HTRA3: variants seen among roughly 807,000 people sequenced by gnomAD.
The protein encoded by HTRA3 is HtrA serine peptidase 3, also known as serine protease HTRA3.
A neutral mutation model predicts 43.2 loss-of-function variants in HTRA3; 41 were observed. The observed-to-expected ratio is 0.95, with a 90% confidence interval of 0.74 to 1.23. HTRA3 has a LOEUF of 1.23. Ranked by LOEUF, HTRA3 falls within the 50% of genes most tolerant of loss-of-function variation. HTRA3 has a pLI of 0.00. For missense variants in HTRA3, 628 were observed against 647.1 expected (o/e 0.97, Z 0.32); for synonymous variants, 295 against 287.9 (o/e 1.02, Z -0.25).
At chr4:8,272,232 T>C (rs1452336523) in intron 1 of HTRA3, among the ~76,000 whole-genome samples, 1 of 152,174 alleles carries the variant, frequency 6.6e-6, no homozygotes, top group Admixed American at 6.5e-5. Context: ...GCACTTTCTC[T>C]GTGTGCCTGG....
intron 6 of HTRA3, among the ~76,000 whole-genome samples, chr4:8,301,559 ATTT>A (rs1268600429): frequency 6.6e-6 from 1 of 151,640 alleles, no homozygotes; most frequent in South Asian, 2.1e-4. Flanking sequence ...ACTTTTAATT[ATTT>A]TTTTTCTTCT....
Position 8,306,086 on chromosome 4 carries a change from C to T in HTRA3, c.1312C>T (p.Arg438Trp), listed in dbSNP as rs137866031. The change falls in exon 9 of 9, where the codon CGG becomes TGG. Residue 438 changes from arginine to tryptophan, a missense_variant. Physicochemically the swap from Arg to Trp is moderately radical, Grantham distance 101. Transcript: ENST00000307358. This position sits in a 1 kb window ranked among gnomAD's most constrained non-coding sequence, Gnocchi z 8.9. Reference protein sequence around the residue: ...TESPLLLEVRRGNDDLLFSIA... With the variant: ...TESPLLLEVRWGNDDLLFSIA... ...GTCTCCTCTCCTACTGGAGGTGCGG[C>T]GGGGGAACGACGACCTCCTCTTCAG... 53 of 1,608,908 alleles carry T rather than the reference C, an allele frequency of 3.3e-5. No individual in the cohort carries two copies. The highest frequency in any genetic ancestry group is 1.5e-4 in the South Asian group (14 of 90,846).
At chr4:8,303,397 C>T (rs1713729954) in intron 7 of HTRA3, among the ~76,000 whole-genome samples, 1 of 152,176 alleles carries the variant, frequency 6.6e-6, no homozygotes, top group African/African-American at 2.4e-5. Flanking sequence ...CCTGGAAATG[C>T]TGAATGAGTG....
In HTRA3 at chr4:8,302,455, A is replaced by C; in HGVS notation, c.1052-8A>C. The C allele has an allele frequency of 6.2e-7, 1 of 1,613,934 alleles. No homozygotes were observed. Among genetic ancestry groups the C allele is most frequent in the Non-Finnish European group, 8.5e-7 (1 of 1,179,956 alleles). ...CCCTAACGGAGTCTCGCCGTGTTTC[A>C]TTTCCAGACTGGAAGAAGCGCTTCA... On this transcript the variant is annotated splice_region_variant and splice_polypyrimidine_tract_variant and intron_variant, in intron 6 of 8. Coordinates refer to ENST00000307358, the MANE Select transcript of HTRA3 (RefSeq NM_053044.5).
chr4:8,282,240 C>T (rs1712776404), intron 1 of HTRA3, among the ~76,000 whole-genome samples, 197 bp from the exon 2 acceptor site: 1 of 152,196 alleles, frequency 6.6e-6, no homozygotes, highest in South Asian at 2.1e-4. Context: ...TGAGCGAGCC[C>T]CTTCCCAAAT....
chr4:8,295,661 C>A lies in HTRA3; in HGVS notation c.1051+1460C>A, dbSNP rs1272459664. The A allele has an allele frequency of 7.2e-7, 1 of 1,394,642 alleles. No homozygotes were observed. The highest frequency in any genetic ancestry group is 1.7e-5 in the South Asian group (1 of 60,288). The allele number at this position is 1,394,642 out of a possible 1,614,324, so 86.4% of individuals were successfully genotyped here. On this transcript the variant is annotated intron_variant, in intron 6 of 8. Coordinates refer to ENST00000307358, the MANE Select transcript of HTRA3 (RefSeq NM_053044.5). This position sits in a 1 kb window ranked among gnomAD's most constrained non-coding sequence, Gnocchi z 6.9. Reference sequence around the variant, plus strand: ...AACGCCCAGGCCTGACTCAGCAACTCACACTTCCACATTGCTTTGCTGTCT... The same window carrying A: ...AACGCCCAGGCCTGACTCAGCAACTAACACTTCCACATTGCTTTGCTGTCT...
intron 3 of HTRA3, among the ~76,000 whole-genome samples, chr4:8,288,413 A>C (rs1713081913): frequency 6.6e-6 from 1 of 152,048 alleles, no homozygotes; most frequent in African/African-American, 2.4e-5. Flanking sequence ...AGCTAGGATC[A>C]CAGGCATGTG....
Position 8,295,939 on chromosome 4 carries a change from G to A in HTRA3, c.1051+1738G>A. The A allele has an allele frequency of 8.2e-7, 1 of 1,223,396 alleles. No homozygotes were observed. The highest frequency in any genetic ancestry group is 1.0e-6 in the Non-Finnish European group (1 of 981,650). The allele number at this position is 1,223,396 out of a possible 1,614,324, so 75.8% of individuals were successfully genotyped here. A position where few individuals can be genotyped will look rare whatever the true frequency, so the allele number is the denominator to read the frequency against. ...CTGAAGTCTTCTTCTCTTGAACAGTGGGGACCATCTAATCTCTTGAGCCCT... is the reference window on the plus strand; with the variant it reads ...CTGAAGTCTTCTTCTCTTGAACAGTAGGGACCATCTAATCTCTTGAGCCCT... On this transcript the variant is annotated intron_variant, in intron 6 of 8. Coordinates refer to ENST00000307358, the MANE Select transcript of HTRA3 (RefSeq NM_053044.5). This position sits in a 1 kb window ranked among gnomAD's most constrained non-coding sequence, Gnocchi z 6.9.
rs753346166 is a variant in HTRA3, at chr4:8,282,452, G to A, written c.401G>A (p.Ser134Asn). 17 of 1,613,674 alleles carry A rather than the reference G, an allele frequency of 1.1e-5. 1 individual carries two copies. In the South Asian group the frequency reaches 1.9e-4, roughly 18 times the overall value. The stretch of plus-strand genomic sequence containing the variant: ...GCCAGCGCAGGTCTCCACCAGCTGA[G>A]CAGCCCGCGCTACAAGTTCAACTTC... Reference protein sequence around the residue: ...GACPLGLHQLSSPRYKFNFIA... With the variant: ...GACPLGLHQLNSPRYKFNFIA... Residue 134 changes from serine to asparagine, a missense_variant, in exon 2 of 9, where the codon AGC becomes AAC. Ser to Asn is a conservative substitution (Grantham distance 46, BLOSUM62 1). Transcript: ENST00000307358.
At chr4:8,293,685 C>T (rs1033530383) in intron 5 of HTRA3, among the ~76,000 whole-genome samples, 2 of 152,066 alleles carry the variant, frequency 1.3e-5, no homozygotes, top group East Asian at 1.9e-4. Flanking sequence ...CCTGCCAGCC[C>T]CCCACTTCTG....
chr4:8,295,894 G>A lies in HTRA3; in HGVS notation c.1051+1693G>A. 1 of 1,234,576 alleles carries A rather than the reference G, an allele frequency of 8.1e-7. No homozygotes were observed. The highest frequency in any genetic ancestry group is 1.0e-6 in the Non-Finnish European group (1 of 988,644). The allele number at this position is 1,234,576 out of a possible 1,614,324, so 76.5% of individuals were successfully genotyped here. A position where few individuals can be genotyped will look rare whatever the true frequency, so the allele number is the denominator to read the frequency against. The stretch of plus-strand genomic sequence containing the variant: ...GGAAGACAATCTGGAGCCAGGCAGA[G>A]CCTGTCTTTCCCAAAGAAGCTGAAG... On this transcript the variant is annotated intron_variant, in intron 6 of 8. Coordinates refer to ENST00000307358, the MANE Select transcript of HTRA3 (RefSeq NM_053044.5). This position sits in a 1 kb window ranked among gnomAD's most constrained non-coding sequence, Gnocchi z 6.9.
intron 8 of HTRA3, 43 bp downstream of exon 8, chr4:8,304,322 G>A (rs546600557): frequency 2.2e-5 from 34 of 1,523,982 alleles, no homozygotes; most frequent in African/African-American, 2.2e-4. Context: ...TGGGGCAGGC[G>A]TGAGGTCTGG....
intron 2 of HTRA3, among the ~76,000 whole-genome samples, chr4:8,282,952 C>A (rs184463572): frequency 1.3e-5 from 2 of 152,242 alleles, no homozygotes; most frequent in Admixed American, 6.5e-5. Flanking sequence ...GGGCTCGGGG[C>A]AGTGGGAACC....
rs1418969593 is a variant in HTRA3 at position 8,305,345 on chromosome 4, T to A, written c.1197-626T>A. ...AATTGGGTGAAATTTTCCACACACA[T>A]CTCAGTTAATCCTCACTGCAGCCAG... On this transcript the variant is annotated intron_variant, in intron 8 of 8. Coordinates refer to ENST00000307358, the MANE Select transcript of HTRA3 (RefSeq NM_053044.5). Among the ~76,000 whole-genome samples, 7 of 152,386 alleles carry A rather than the reference T, an allele frequency of 4.6e-5. No homozygotes were observed. In the East Asian group the frequency reaches 1.2e-3, roughly 25 times the overall value.
intron 1 of HTRA3, among the ~76,000 whole-genome samples, chr4:8,277,740 C>T (rs192847496): frequency 2.0e-5 from 3 of 152,316 alleles, no homozygotes; most frequent in Non-Finnish European, 4.4e-5. Context: ...GCCTTGAATG[C>T]CCTGCTTAGA....
At position 8,297,698 on chromosome 4, in the gene HTRA3, G is replaced by A. The variant is rs1208216191; in HGVS notation, c.1051+3497G>A. Among the ~76,000 whole-genome samples, 1 of 152,142 alleles carries A rather than the reference G, an allele frequency of 6.6e-6. No individual in the cohort carries two copies. Among genetic ancestry groups the A allele is most frequent in the Non-Finnish European group, 1.5e-5 (1 of 68,018 alleles). On this transcript the variant is annotated intron_variant, in intron 6 of 8. Transcript: ENST00000307358. The surrounding 1 kb of genome is among the most constrained non-coding windows in gnomAD (Gnocchi z 5.8). ...GGCAGTGGGAGTGGGAAGGGCCCAT[G>A]TCCCAGGTGGGCTGTGCAGGTCCTG...
rs1578805324 is a variant in HTRA3 at position 8,296,669 on chromosome 4, T to C, written c.1051+2468T>C. Among the ~76,000 whole-genome samples, 1 of 151,982 alleles carries C rather than the reference T, an allele frequency of 6.6e-6. No individual in the cohort carries two copies. The highest frequency in any genetic ancestry group is 6.5e-5 in the Admixed American group (1 of 15,270). ...TCCAGCCAGCCTTAGGACCAGAGAG[T>C]AGCCCCACATGGGGTGGTGTGGGGT... On this transcript the variant is annotated intron_variant, in intron 6 of 8. Transcript: ENST00000307358. This position sits in a 1 kb window ranked among gnomAD's most constrained non-coding sequence, Gnocchi z 5.3.
chr4:8,301,475 TCA>T lies in HTRA3; in HGVS notation c.1052-984_1052-983del, dbSNP rs201633707. 8.4e-3 allele frequency among the ~76,000 whole-genome samples: 1,281 copies of T among 151,902 alleles called. 15 individuals are homozygous for T. The highest frequency in any genetic ancestry group is 0.03 in the African/African-American group (1,223 of 41,338). On this transcript the variant is annotated intron_variant, in intron 6 of 8. Coordinates refer to ENST00000307358, the MANE Select transcript of HTRA3 (RefSeq NM_053044.5). ...TCACACTCTCAGCTTTATTATTGAGTCACACTCTCAGCTTTATTGATTCACAC... is the reference window on the plus strand; with the variant it reads ...TCACACTCTCAGCTTTATTATTGAGTCACTCTCAGCTTTATTGATTCACAC...
chr4:8,291,134 C>T (rs1432781878), intron 3 of HTRA3, among the ~76,000 whole-genome samples: 1 of 152,212 alleles, frequency 6.6e-6, no homozygotes, highest in Non-Finnish European at 1.5e-5. Flanking sequence ...CTGGGGGAAC[C>T]TCTGGTCCCT....
Sources: allele counts gnomAD v4.1 joint callset (sites outside exome capture counted in the v4.1 genomes callset), GRCh38; gene constraint gnomAD v4.1.1; non-coding constraint Gnocchi (gnomAD v3.1); transcripts MANE v1.5; gene names NCBI Gene and HGNC (gene_info 2026-07-23, HGNC 2026-07-21).